Variants in MYO1E observed in about 807,000 individuals in gnomAD.
MYO1E encodes the protein unconventional myosin-Ie.
In MYO1E, 68 loss-of-function variants were observed where a neutral mutation model predicts 151.1. The observed-to-expected ratio is 0.45, with a 90% CI of 0.37 to 0.55. The LOEUF is 0.55. MYO1E is among the 20% of genes least tolerant of loss of function. The pLI, the probability that MYO1E is intolerant of heterozygous loss-of-function variation, is 0.00. For synonymous variants in MYO1E, 601 were observed against 501.7 expected (o/e 1.20, Z -2.64); for missense variants, 1,363 against 1,389.3 (o/e 0.98, Z 0.30).
At chr15:59,226,145 C>T (rs779758862) in intron 7 of MYO1E, among the ~76,000 whole-genome samples, 80 of 152,258 alleles carry the variant, frequency 5.3e-4, no homozygotes, top group Non-Finnish European at 1.0e-3. Flanking sequence ...TTATTTTTCA[C>T]TTATCTATAT....
rs561190329 is a variant in MYO1E, at chr15:59,318,648, G to T, written c.4-46199C>A. ...GTTTTTGTTTTACTGCAGTTTGGGG[G>T]TAGAGAGTAGTAGAAGCCTACCAGA... On this transcript the variant is annotated intron_variant, in intron 1 of 27. Coordinates refer to ENST00000288235, the MANE Select transcript of MYO1E (RefSeq NM_004998.4). 5.3e-5 allele frequency among the ~76,000 whole-genome samples: 8 copies of T among 152,300 alleles called. No individual in the cohort carries two copies. In the South Asian group the frequency reaches 6.2e-4, roughly 12 times the overall value.
At position 59,161,107 on chromosome 15, in the gene MYO1E, C is replaced by T. The variant is rs1189812301; in HGVS notation, c.2751G>A (p.Gln917=). The T allele has an allele frequency of 1.2e-6, 2 of 1,613,854 alleles. No individual in the cohort carries two copies. Among genetic ancestry groups the T allele is most frequent in the African/African-American group, 2.7e-5 (2 of 74,900 alleles). ...AVLKPSNKVL[Q]VSIGPGLPKN... ...TGGGCAGTCCAGGTCCGATGCTGAC[C>T]TGCAGCACTTTGTTACTGGGCTTGA... is the stretch of plus-strand genomic sequence containing the variant. The change falls in exon 24 of 28, where the codon CAG becomes CAA. Residue 917 remains glutamine (Q), a synonymous_variant. Coordinates refer to ENST00000288235, the MANE Select transcript of MYO1E (RefSeq NM_004998.4).
At position 59,325,060 on chromosome 15, in the gene MYO1E, G is replaced by C. The variant is rs571549556; in HGVS notation, c.3+47438C>G. Among the ~76,000 whole-genome samples, 576 of 149,892 alleles carry C rather than the reference G, an allele frequency of 3.8e-3. 4 individuals are homozygous for C. The highest frequency in any genetic ancestry group is 0.013 in the African/African-American group (545 of 40,690). ...CTTTTTTTTTTTTATTTCTGGGACA[G>C]AATCTCGCTCTATCGCCAGGCTGGA... On this transcript the variant is annotated intron_variant, in intron 1 of 27. Coordinates refer to ENST00000288235, the MANE Select transcript of MYO1E (RefSeq NM_004998.4).
At chr15:59,283,578 T>C (rs1050820542) in intron 1 of MYO1E, among the ~76,000 whole-genome samples, 1 of 152,216 alleles carries the variant, frequency 6.6e-6, no homozygotes, top group African/African-American at 2.4e-5. Context: ...CCCCAAGTAT[T>C]TGTTGAATGA....
intron 1 of MYO1E, among the ~76,000 whole-genome samples, chr15:59,276,433 G>A (rs2080319438): frequency 6.6e-6 from 1 of 152,176 alleles, no homozygotes; most frequent in African/African-American, 2.4e-5. Flanking sequence ...GCAGTGGCGG[G>A]CGTGCCAGCT....
Position 59,137,360 on chromosome 15 carries a change from G to A in MYO1E, c.*20C>T, listed in dbSNP as rs1240996810. The A allele has an allele frequency of 5.0e-6, 8 of 1,611,556 alleles. No homozygotes were observed. In the East Asian group the frequency reaches 8.9e-5, roughly 18 times the overall value. ...TGTGCCTGGAGCTCCTCTGCCCCATGTGTCAGAGTCACGGGCACCTCAGAT... is the reference window on the plus strand; with the variant it reads ...TGTGCCTGGAGCTCCTCTGCCCCATATGTCAGAGTCACGGGCACCTCAGAT... On this transcript the variant is annotated 3_prime_UTR_variant, in exon 28 of 28. Coordinates refer to ENST00000288235, the MANE Select transcript of MYO1E (RefSeq NM_004998.4).
At chr15:59,197,579 C>T (rs1417749616) in intron 16 of MYO1E, among the ~76,000 whole-genome samples, 1 of 152,134 alleles carries the variant, frequency 6.6e-6, no homozygotes, top group Non-Finnish European at 1.5e-5. Flanking sequence ...AAAGCTGGGC[C>T]TTAAAGAAAC....
chr15:59,274,822 C>T, intron 1 of MYO1E, among the ~76,000 whole-genome samples: 1 of 152,148 alleles, frequency 6.6e-6, no homozygotes, highest in Non-Finnish European at 1.5e-5. Flanking sequence ...TATTTCCTAG[C>T]AGAAAAGCAC....
chr15:59,224,162 T>G (rs2079973150), intron 8 of MYO1E, among the ~76,000 whole-genome samples: 1 of 152,180 alleles, frequency 6.6e-6, no homozygotes, highest in Non-Finnish European at 1.5e-5. Flanking sequence ...CCCTCCATAA[T>G]CTACCTAGTT....
intron 4 of MYO1E, among the ~76,000 whole-genome samples, chr15:59,239,230 T>A (rs879737789): frequency 0.02 from 1,959 of 99,760 alleles, 31 homozygotes; most frequent in Middle Eastern, 0.04. Context: ...ATATATTTTT[T>A]TTATTTTTTA....
chr15:59,204,803 A>G (rs188740900), intron 15 of MYO1E, among the ~76,000 whole-genome samples: 1 of 152,220 alleles, frequency 6.6e-6, no homozygotes, highest in Non-Finnish European at 1.5e-5. Context: ...TAAGCCATTA[A>G]CCATCTTTAA....
chr15:59,160,168 T>C (rs1399209791), intron 24 of MYO1E, among the ~76,000 whole-genome samples: 4 of 152,058 alleles, frequency 2.6e-5, no homozygotes, highest in Non-Finnish European at 5.9e-5. Flanking sequence ...GGCATCTTCA[T>C]GTGTGTGATC....
chr15:59,141,450 A>G (rs2079408556), intron 26 of MYO1E, among the ~76,000 whole-genome samples: 1 of 152,218 alleles, frequency 6.6e-6, no homozygotes, highest in East Asian at 1.9e-4. Context: ...TGCTATGTAA[A>G]TAGTTGTTAT....
chr15:59,262,334 C>T lies in MYO1E; in HGVS notation c.148-825G>A, dbSNP rs2080228886. Reference sequence around the variant, plus strand: ...AGGCATCAATGAGGTAATTTTCTGGCCAGGTGCAGTGGCTCATGCCTGTCT... The same window carrying T: ...AGGCATCAATGAGGTAATTTTCTGGTCAGGTGCAGTGGCTCATGCCTGTCT... On this transcript the variant is annotated intron_variant, in intron 2 of 27. Transcript: ENST00000288235. Among the ~76,000 whole-genome samples, 3 of 152,142 alleles carry T rather than the reference C, an allele frequency of 2.0e-5. 1 individual carries two copies. Among genetic ancestry groups the T allele is most frequent in the African/African-American group, 7.2e-5 (3 of 41,420 alleles).
At chr15:59,207,403 C>G (rs754378784) in intron 14 of MYO1E, 3 of 1,614,012 alleles carry the variant, frequency 1.9e-6, no homozygotes, top group Admixed American at 1.7e-5. Context: ...GGGAGAAACG[C>G]GCCTTAATTT....
chr15:59,344,948 T>C (rs1312579403), intron 1 of MYO1E, among the ~76,000 whole-genome samples: 2 of 152,232 alleles, frequency 1.3e-5, no homozygotes, highest in Non-Finnish European at 2.9e-5. Context: ...ACTCATCTGT[T>C]TGCATATTGA....
In MYO1E at chr15:59,207,895, A is replaced by C. The variant is rs767328711; in HGVS notation, c.1530+786T>G. 1.9e-6 allele frequency: 3 copies of C among 1,614,212 alleles called. No homozygotes were observed. In the South Asian group the frequency reaches 3.3e-5, roughly 18 times the overall value. ...AAGTATTTTGAAGAATCTTAGGAGA[A>C]TACATCCAGTTTCCACCATAATTAA... is the stretch of plus-strand genomic sequence containing the variant. On this transcript the variant is annotated intron_variant, in intron 14 of 27. Transcript: ENST00000288235.
chr15:59,352,209 C>T (rs368604588), intron 1 of MYO1E, among the ~76,000 whole-genome samples: 8 of 152,282 alleles, frequency 5.3e-5, no homozygotes, highest in Admixed American at 5.2e-4. Flanking sequence ...TTGGAAGAAT[C>T]GCTCTTTAAT....
rs2079351466 is a variant in MYO1E at position 59,132,545 on chromosome 15, G to A, written c.*4835C>T. On this transcript the variant is annotated 3_prime_UTR_variant, in exon 28 of 28. Coordinates refer to ENST00000288235, the MANE Select transcript of MYO1E (RefSeq NM_004998.4). ...TTAAGATACTTTCTTAGATGGCACA[G>A]CAGGCACCCCAAACTAAAATGTCAT... 3.3e-5 allele frequency: 5 copies of A among 152,186 alleles called. No individual in the cohort carries two copies. Among genetic ancestry groups the A allele is most frequent in the Admixed American group, 3.3e-4 (5 of 15,286 alleles). 9.4% of individuals were successfully genotyped at this position (152,186 alleles called of 1,614,324 possible). A position where few individuals can be genotyped will look rare whatever the true frequency, so the allele number is the denominator to read the frequency against.
Sources: allele counts gnomAD v4.1 joint callset (sites outside exome capture counted in the v4.1 genomes callset), GRCh38; gene constraint gnomAD v4.1.1; transcripts MANE v1.5; gene names NCBI Gene and HGNC (gene_info 2026-07-23, HGNC 2026-07-21).